DEPTOR: variants seen among roughly 807,000 people sequenced by gnomAD.
DEPTOR encodes the protein DEP domain containing MTOR interacting protein.
A neutral mutation model predicts 41.6 loss-of-function variants in DEPTOR; 41 were observed. The observed-to-expected ratio is 0.98, with a 90% CI of 0.77 to 1.28. The LOEUF (loss-of-function observed/expected upper bound fraction) is 1.28, where lower values mean the gene tolerates loss of function less well. DEPTOR is among the 50% of genes most tolerant of loss of function. DEPTOR has a pLI of 0.00. For synonymous variants in DEPTOR, 195 were observed against 192.3 expected (o/e 1.01, Z -0.12); for missense variants, 514 against 527.9 (o/e 0.97, Z 0.26).
At chr8:119,971,663 T>TG (rs1215628784) in intron 4 of DEPTOR, among the ~76,000 whole-genome samples, 1 of 152,252 alleles carries the variant, frequency 6.6e-6, no homozygotes, top group African/African-American at 2.4e-5. Flanking sequence ...TCCAGTGCTT[T>TG]GGGGGACACA....
chr8:120,008,108 G>T (rs1195111670), intron 7 of DEPTOR, among the ~76,000 whole-genome samples: 1 of 152,158 alleles, frequency 6.6e-6, no homozygotes, highest in Non-Finnish European at 1.5e-5. Flanking sequence ...CTATAGAAAA[G>T]GCCTTCTCTA....
intron 4 of DEPTOR, among the ~76,000 whole-genome samples, chr8:119,977,872 T>A (rs558895364): frequency 3.9e-5 from 6 of 152,068 alleles, no homozygotes; most frequent in Non-Finnish European, 7.4e-5. Flanking sequence ...TTGCCCAGGC[T>A]GATCTTGAAC....
chr8:120,041,160 A>G (rs1310779555), intron 8 of DEPTOR, among the ~76,000 whole-genome samples: 2 of 152,200 alleles, frequency 1.3e-5, no homozygotes, highest in South Asian at 2.1e-4. Flanking sequence ...TGGGATGCAA[A>G]TTTCTTGGTG....
intron 8 of DEPTOR, among the ~76,000 whole-genome samples, chr8:120,036,754 C>G (rs1227969201): frequency 2.0e-5 from 3 of 152,158 alleles, no homozygotes; most frequent in Non-Finnish European, 2.9e-5. Context: ...ACATCTCTGT[C>G]TAATATTTTG....
At chr8:119,901,404 T>C (rs931385519) in intron 1 of DEPTOR, among the ~76,000 whole-genome samples, 1 of 152,166 alleles carries the variant, frequency 6.6e-6, no homozygotes, top group African/African-American at 2.4e-5. Flanking sequence ...CAGCCAGGCG[T>C]GGTGGCTCAC....
At chr8:119,978,013 A>C (rs1000637365) in intron 4 of DEPTOR, among the ~76,000 whole-genome samples, 1 of 152,002 alleles carries the variant, frequency 6.6e-6, no homozygotes, top group African/African-American at 2.4e-5. Context: ...TTCCTTCTTG[A>C]CATTAGTAGA....
At chr8:119,996,053 A>G (rs1306936378) in intron 4 of DEPTOR, among the ~76,000 whole-genome samples, 1 of 152,258 alleles carries the variant, frequency 6.6e-6, no homozygotes, top group Non-Finnish European at 1.5e-5. Flanking sequence ...GCAACAATGC[A>G]AGTGATACAT....
intron 1 of DEPTOR, among the ~76,000 whole-genome samples, chr8:119,900,323 CA>C (rs572919486): frequency 0.26 from 13,810 of 53,804 alleles, 1,411 homozygotes; most frequent in African/African-American, 0.47. Context: ...GGCTCCATCT[CA>C]AAAAAAAAAA....
chr8:119,991,148 G>A (rs116252947), intron 4 of DEPTOR, among the ~76,000 whole-genome samples: 1,686 of 140,522 alleles, frequency 0.012, 33 homozygotes, highest in African/African-American at 0.038. Flanking sequence ...TCTTGGTTTG[G>A]GGGTACATGC....
intron 1 of DEPTOR, among the ~76,000 whole-genome samples, chr8:119,923,143 C>T (rs953477937): frequency 1.3e-5 from 2 of 152,084 alleles, no homozygotes; most frequent in African/African-American, 4.8e-5. Context: ...TTTGTTTAGA[C>T]TTATTATGTA....
intron 3 of DEPTOR, among the ~76,000 whole-genome samples, chr8:119,949,559 C>T (rs1255110080): frequency 2.0e-5 from 3 of 152,170 alleles, no homozygotes; most frequent in Non-Finnish European, 2.9e-5. Context: ...ATCCAACTAG[C>T]GGATATGAAA....
intron 3 of DEPTOR, among the ~76,000 whole-genome samples, chr8:119,964,230 C>T (rs140081426): frequency 5.9e-4 from 90 of 152,096 alleles, no homozygotes; most frequent in African/African-American, 1.6e-3. Flanking sequence ...GTAATTAGCA[C>T]GGACCGCTGG....
chr8:119,917,182 C>T (rs1827825201), intron 1 of DEPTOR, among the ~76,000 whole-genome samples: 1 of 152,202 alleles, frequency 6.6e-6, no homozygotes, highest in African/African-American at 2.4e-5. Flanking sequence ...TTATTAGAGT[C>T]AAGGGCTTTG....
rs990240956 is a variant in DEPTOR at position 119,916,298 on chromosome 8, T to G, written c.123-12102T>G. Among the ~76,000 whole-genome samples the G allele has an allele frequency of 2.2e-4, 25 of 112,522 alleles. 2 individuals carry two copies. In the South Asian group the frequency reaches 6.4e-3, roughly 29 times the overall value. The allele number at this position is 112,522 out of a possible 152,430, so 73.8% of individuals were successfully genotyped here. A position where few individuals can be genotyped will look rare whatever the true frequency, so the allele number is the denominator to read the frequency against. ...TTTTTTTTTTTTTTTTTTTTTTTTT[T>G]TTTTAGAAATGGGGGTTTCACCATA... is the stretch of plus-strand genomic sequence containing the variant. On this transcript the variant is annotated intron_variant, in intron 1 of 8. Coordinates refer to ENST00000286234, the MANE Select transcript of DEPTOR (RefSeq NM_022783.4).
rs183642870 is a variant in DEPTOR at position 119,983,839 on chromosome 8, C to A, written c.605-17686C>A. 5.9e-5 allele frequency among the ~76,000 whole-genome samples: 9 copies of A among 152,160 alleles called. No individual in the cohort carries two copies. In the East Asian group the frequency reaches 1.5e-3, roughly 26 times the overall value. On this transcript the variant is annotated intron_variant, in intron 4 of 8. Transcript: ENST00000286234. ...CAGTTAAAAAAAAGACTATGTCTTG[C>A]CACTGCTATCTTCCTTTTCTGAACT... is the stretch of plus-strand genomic sequence containing the variant.
intron 8 of DEPTOR, among the ~76,000 whole-genome samples, chr8:120,015,152 AG>A (rs1812589753): frequency 6.6e-6 from 1 of 152,162 alleles, no homozygotes; most frequent in South Asian, 2.1e-4. Context: ...TGTTTTCTGT[AG>A]TCTACAAAGT....
At chr8:119,980,324 T>A (rs2875930) in intron 4 of DEPTOR, among the ~76,000 whole-genome samples, 1 of 151,970 alleles carries the variant, frequency 6.6e-6, no homozygotes, top group African/African-American at 2.4e-5. Flanking sequence ...TGTTTTTTCA[T>A]TTTAATCAGA....
intron 8 of DEPTOR, among the ~76,000 whole-genome samples, chr8:120,017,380 A>G (rs1812629072): frequency 6.6e-6 from 1 of 152,154 alleles, no homozygotes. Context: ...CATGCTTCCT[A>G]TTGTATTATT....
At chr8:120,020,069 AT>A (rs10706349) in intron 8 of DEPTOR, among the ~76,000 whole-genome samples, 64,118 of 151,054 alleles carry the variant, frequency 0.42, 14,124 homozygotes, top group South Asian at 0.54. Context: ...AGTTCTTCTC[AT>A]TTTTTTTTGT....
Sources: allele counts gnomAD v4.1 joint callset (sites outside exome capture counted in the v4.1 genomes callset), GRCh38; gene constraint gnomAD v4.1.1; transcripts MANE v1.5; gene names NCBI Gene and HGNC (gene_info 2026-07-23, HGNC 2026-07-21).